Variants in FES observed in about 807,000 individuals in gnomAD.
FES encodes FES proto-oncogene, tyrosine kinase.
In FES, 83 loss-of-function variants were observed where a neutral mutation model predicts 109.6. The ratio of observed to expected loss-of-function variants is 0.76; its 90% confidence interval spans 0.63 to 0.91. The LOEUF (loss-of-function observed/expected upper bound fraction) is 0.91, where lower values mean the gene tolerates loss of function less well. Ranked by LOEUF, FES falls within the 40% of genes least tolerant of loss-of-function variation. The pLI is 0.00. For missense variants in FES, 943 were observed against 1,070.9 expected (o/e 0.88, Z 1.67); for synonymous variants, 458 against 442.1 (o/e 1.04, Z -0.45).
At chr15:90,886,787 G>A (rs2032676142) in intron 3 of FES, among the ~76,000 whole-genome samples, 174 bp from the exon 4 acceptor site, 2 of 152,234 alleles carry the variant, frequency 1.3e-5, no homozygotes, top group African/African-American at 2.4e-5. Flanking sequence ...TCCCCAAGGG[G>A]TCTGTCTTTA....
In FES at chr15:90,893,760, G is replaced by T; in HGVS notation, c.2152G>T (p.Gly718Cys). Residue 718 changes from glycine to cysteine, a missense_variant, in exon 17 of 19, where the codon GGC becomes TGC. By Grantham distance (159) the Gly-to-Cys change is radical. Coordinates refer to ENST00000328850, the MANE Select transcript of FES (RefSeq NM_002005.4). ...CGATGGGGTCTATGCAGCCTCAGGG[G>T]GCCTCAGACAAGTCCCCGTGAAGTG... is the stretch of plus-strand genomic sequence containing the variant. ...EADGVYAASG[G>C]LRQVPVKWTA... 6.2e-7 allele frequency: 1 copy of T among 1,608,394 alleles called. No homozygotes were observed. The highest frequency in any genetic ancestry group is 1.1e-5 in the South Asian group (1 of 90,690).
At chr15:90,890,051 C>T (rs1386927255) in intron 8 of FES, 41 bp from the exon 9 acceptor site, 3 of 1,570,568 alleles carry the variant, frequency 1.9e-6, no homozygotes. Context: ...GCAGACCGAG[C>T]CCTTATTCTC....
intron 18 of FES, among the ~76,000 whole-genome samples, chr15:90,894,937 C>G (rs1037734655): frequency 6.6e-6 from 1 of 151,350 alleles, no homozygotes; most frequent in Non-Finnish European, 1.5e-5. Context: ...TGTAGTGGTG[C>G]AAGCCTGTAA....
At position 90,890,245 on chromosome 15, in the gene FES, C is replaced by T. The variant is rs773195488; in HGVS notation, c.1203C>T (p.Leu401=). Residue 401 remains leucine (L), a synonymous_variant, in exon 9 of 19, where the codon CTC becomes CTT. Transcript: ENST00000328850. ...LGPGEPPPVL[L]LQDDRHSTSS... ...CCGGCGAGCCCCCGCCTGTGCTGCTCCTGCAGGATGACCGCCACTCCACGT... is the reference window on the plus strand; with the variant it reads ...CCGGCGAGCCCCCGCCTGTGCTGCTTCTGCAGGATGACCGCCACTCCACGT... The T allele has an allele frequency of 2.5e-6, 4 of 1,595,970 alleles. No individual in the cohort carries two copies. The highest frequency in any genetic ancestry group is 2.2e-5 in the East Asian group (1 of 44,692).
chr15:90,884,953 C>G, intron 1 of FES, 84 bp from the exon 2 acceptor site: 2 of 1,162,288 alleles, frequency 1.7e-6, no homozygotes, highest in Non-Finnish European at 2.4e-6. Context: ...CCATCCTGAC[C>G]CTACAGTCCC....
chr15:90,885,419 C>G lies in FES; in HGVS notation c.221C>G (p.Ala74Gly), dbSNP rs1410798809. Residue 74 changes from alanine (A) to glycine (G), a missense_variant, in exon 3 of 19, where the codon GCT (alanine) becomes GGT (glycine). Ala to Gly is a moderately conservative substitution (Grantham distance 60, BLOSUM62 0). Coordinates refer to ENST00000328850, the MANE Select transcript of FES (RefSeq NM_002005.4). ...SPDSPISQSW[A>G]EITSQTEGLS... ...CCCATCTGTGCTGTATAGTCCTGGG[C>G]TGAGATCACCAGCCAAACTGAGGGC... is the stretch of plus-strand genomic sequence containing the variant. 1 of 1,612,224 alleles carries G rather than the reference C, an allele frequency of 6.2e-7. No individual in the cohort carries two copies. The highest frequency in any genetic ancestry group is 2.2e-5 in the East Asian group (1 of 44,876).
chr15:90,891,016 A>G lies in FES; in HGVS notation c.1355A>G (p.Gln452Arg). The change falls in exon 11 of 19, where the codon CAG (glutamine) becomes CGG (arginine). Residue 452 changes from glutamine to arginine, a missense_variant. Coordinates refer to ENST00000328850, the MANE Select transcript of FES (RefSeq NM_002005.4). The stretch of plus-strand genomic sequence containing the variant: ...CCGCTGCAGCTCATTCCGGAGGTGC[A>G]GAAGCCCCTGCATGAGCAGCTGTGG... ...PPPLQLIPEV[Q>R]KPLHEQLWYH... 6.3e-7 allele frequency: 1 copy of G among 1,595,754 alleles called. No individual in the cohort carries two copies. The highest frequency in any genetic ancestry group is 2.3e-5 in the East Asian group (1 of 44,386).
At chr15:90,884,690 A>T (rs529842517) in intron 1 of FES, 146 bp downstream of exon 1, 2 of 191,340 alleles carry the variant, frequency 1.0e-5, no homozygotes, top group South Asian at 1.1e-4. Flanking sequence ...GGCAGGGCTC[A>T]GGCTGTGGGC....
chr15:90,889,571 G>A lies in FES; in HGVS notation c.861G>A (p.Glu287=). ...CGTTCGATGAGTCACTGCTTGAGGA[G>A]GGTGAACCGCTGGAGCCTGGGGAGC... ...CVTFDESLLE[E]GEPLEPGELQ... is the part of the protein sequence containing the mutation. Residue 287 remains glutamate (E), a synonymous_variant, in exon 7 of 19, where the codon GAG becomes GAA. Coordinates refer to ENST00000328850, the MANE Select transcript of FES (RefSeq NM_002005.4). The surrounding 1 kb of genome is among the most constrained non-coding windows in gnomAD (Gnocchi z 6.1). The A allele has an allele frequency of 6.2e-7, 1 of 1,613,826 alleles. No homozygotes were observed. The highest frequency in any genetic ancestry group is 8.5e-7 in the Non-Finnish European group (1 of 1,180,014).
At position 90,893,415 on chromosome 15, in the gene FES, G is replaced by C. The variant is rs1567103003; in HGVS notation, c.2045+1G>C. ...TGGAGAGCAAGTGCTGCATCCACCGGTGAGTGGGCGGTGGCCACGGGCCCT... is the reference window on the plus strand; with the variant it reads ...TGGAGAGCAAGTGCTGCATCCACCGCTGAGTGGGCGGTGGCCACGGGCCCT... On this transcript the variant is annotated splice_donor_variant, in intron 16 of 18. Coordinates refer to ENST00000328850, the MANE Select transcript of FES (RefSeq NM_002005.4). LOFTEE classifies it high-confidence loss of function. 3 of 1,537,566 alleles carry C rather than the reference G, an allele frequency of 2.0e-6. No homozygotes were observed. Among genetic ancestry groups the C allele is most frequent in the Non-Finnish European group, 2.6e-6 (3 of 1,145,644 alleles).
Position 90,895,487 on chromosome 15 carries a change from G to C in FES, c.2398G>C (p.Glu800Gln). ...FRLMEQCWAY[E>Q]PGQRPSFSTI... Reference sequence around the variant, plus strand: ...GCTCATGGAGCAGTGCTGGGCCTATGAGCCTGGGCAGCGGCCCAGCTTCAG... The same window carrying C: ...GCTCATGGAGCAGTGCTGGGCCTATCAGCCTGGGCAGCGGCCCAGCTTCAG... The change falls in exon 19 of 19, where the codon GAG becomes CAG. Residue 800 changes from glutamate (E) to glutamine (Q), a missense_variant. Transcript: ENST00000328850. The C allele has an allele frequency of 6.3e-7, 1 of 1,599,098 alleles. No homozygotes were observed. Among genetic ancestry groups the C allele is most frequent in the Non-Finnish European group, 8.5e-7 (1 of 1,172,086 alleles).
At chr15:90,884,763 A>G in intron 1 of FES, 2 of 370,500 alleles carry the variant, frequency 5.4e-6, no homozygotes, top group East Asian at 5.2e-5. Context: ...TGTCCCTGTA[A>G]GGGGTGGTGG....
intron 12 of FES, 113 bp from the exon 13 acceptor site, chr15:90,891,945 G>C: frequency 1.6e-6 from 2 of 1,219,038 alleles, no homozygotes; most frequent in Non-Finnish European, 2.2e-6. Context: ...TCCCCACGTG[G>C]TCCCACCCCT....
chr15:90,892,229 G>A (rs770254747), intron 13 of FES, 118 bp downstream of exon 13: 10 of 1,110,034 alleles, frequency 9.0e-6, no homozygotes, highest in Admixed American at 5.5e-5. Flanking sequence ...CTTGTACCCC[G>A]ACTCCCTGCC....
intron 13 of FES, chr15:90,892,484 C>T: frequency 1.7e-6 from 1 of 580,010 alleles, no homozygotes; most frequent in South Asian, 2.2e-5. Flanking sequence ...TTTGGATTTC[C>T]ATGTCACTTC....
At chr15:90,890,596 T>C in intron 10 of FES, 112 bp downstream of exon 10, 1 of 957,992 alleles carries the variant, frequency 1.0e-6, no homozygotes, top group Non-Finnish European at 1.6e-6. Flanking sequence ...GTTCCTCTCT[T>C]CCCTGGGATT....
intron 18 of FES, 129 bp downstream of exon 18, chr15:90,894,187 C>T (rs910204653): frequency 4.6e-6 from 5 of 1,083,066 alleles, no homozygotes; most frequent in Middle Eastern, 2.1e-4. Flanking sequence ...CAGTTGCTCA[C>T]GCCTGTCATC....
intron 3 of FES, among the ~76,000 whole-genome samples, 154 bp from the exon 4 acceptor site, chr15:90,886,807 C>G (rs1334103635): frequency 6.6e-6 from 1 of 152,228 alleles, no homozygotes; most frequent in Non-Finnish European, 1.5e-5. Flanking sequence ...AACAGGCTCT[C>G]TGATCTTTGA....
At chr15:90,891,931 G>A (rs1304634314) in intron 12 of FES, 127 bp from the exon 13 acceptor site, 7 of 1,203,612 alleles carry the variant, frequency 5.8e-6, no homozygotes, top group Non-Finnish European at 8.4e-6. Flanking sequence ...TCATCTCAGT[G>A]TGCTCCCCAC....
Sources: allele counts gnomAD v4.1 joint callset (sites outside exome capture counted in the v4.1 genomes callset), GRCh38; gene constraint gnomAD v4.1.1; non-coding constraint Gnocchi (gnomAD v3.1); transcripts MANE v1.5; gene names NCBI Gene and HGNC (gene_info 2026-07-23, HGNC 2026-07-21).